Variants in PLA2G4A observed in about 807,000 individuals in gnomAD.
PLA2G4A encodes cytosolic phospholipase A2.
PLA2G4A carries 40 observed loss-of-function variants against 81.9 expected under a neutral mutation model. That is an observed-to-expected ratio of 0.49 (90% CI 0.38 to 0.64). PLA2G4A has a LOEUF of 0.64. Ranked by LOEUF, PLA2G4A falls within the 30% of genes least tolerant of loss-of-function variation. The probability of loss-of-function intolerance (pLI) is 0.00; values close to 1 mark genes in which losing one functional copy is unlikely to be tolerated. For missense variants in PLA2G4A, 715 were observed against 905.1 expected (o/e 0.79, Z 2.69); for synonymous variants, 302 against 296.9 (o/e 1.02, Z -0.18).
intron 1 of PLA2G4A, among the ~76,000 whole-genome samples, chr1:186,837,748 A>AAG (rs1651837118): frequency 6.7e-6 from 1 of 148,178 alleles, no homozygotes; most frequent in Non-Finnish European, 1.5e-5. Flanking sequence ...AAAAAAAAAA[A>AAG]AAAAGAAAAA....
intron 5 of PLA2G4A, among the ~76,000 whole-genome samples, chr1:186,900,065 T>C (rs999850505): frequency 6.6e-6 from 1 of 152,198 alleles, no homozygotes; most frequent in Non-Finnish European, 1.5e-5. Context: ...TGATAAAATC[T>C]GGGTTAAACT....
intron 4 of PLA2G4A, 67 bp downstream of exon 4, chr1:186,893,226 C>T (rs948252541): frequency 7.6e-7 from 1 of 1,308,370 alleles, no homozygotes; most frequent in Admixed American, 1.7e-5. Flanking sequence ...TTGAGTTTGT[C>T]CTTTTACTGC....
At chr1:186,853,906 T>G (rs897714858) in intron 1 of PLA2G4A, among the ~76,000 whole-genome samples, 1 of 151,950 alleles carries the variant, frequency 6.6e-6, no homozygotes, top group Non-Finnish European at 1.5e-5. Flanking sequence ...ATTTGTATAT[T>G]GCTGACCCTA....
At chr1:186,851,584 C>G (rs1006134874) in intron 1 of PLA2G4A, among the ~76,000 whole-genome samples, 2 of 151,950 alleles carry the variant, frequency 1.3e-5, no homozygotes, top group African/African-American at 4.8e-5. Context: ...AAAGTCATTG[C>G]TGATCACTTT....
intron 5 of PLA2G4A, among the ~76,000 whole-genome samples, chr1:186,902,676 CA>C (rs1421308771): frequency 6.6e-6 from 1 of 152,160 alleles, no homozygotes; most frequent in East Asian, 1.9e-4. Context: ...TTCTCCTGGA[CA>C]ATAAGTCTCC....
intron 5 of PLA2G4A, among the ~76,000 whole-genome samples, chr1:186,900,114 T>C (rs1654483788): frequency 6.6e-6 from 1 of 152,294 alleles, no homozygotes; most frequent in African/African-American, 2.4e-5. Flanking sequence ...ATCAGAGTTG[T>C]TGTTTGAGAG....
chr1:186,890,799 G>T (rs946732648), intron 3 of PLA2G4A, among the ~76,000 whole-genome samples: 4 of 150,434 alleles, frequency 2.7e-5, no homozygotes, highest in African/African-American at 9.8e-5. Context: ...GTTGCAGTGA[G>T]CTGAGATTGT....
At chr1:186,921,892 G>A (rs1655366271) in intron 7 of PLA2G4A, among the ~76,000 whole-genome samples, 1 of 152,026 alleles carries the variant, frequency 6.6e-6, no homozygotes, top group Admixed American at 6.6e-5. Context: ...ATTTACATAT[G>A]GGAACTCATC....
intron 3 of PLA2G4A, among the ~76,000 whole-genome samples, chr1:186,873,514 G>T (rs1267449096): frequency 6.6e-6 from 1 of 152,016 alleles, no homozygotes; most frequent in Non-Finnish European, 1.5e-5. Context: ...ATTACTATTG[G>T]AGTTTTCTGC....
chr1:186,970,663 T>G (rs1657325105), intron 15 of PLA2G4A, among the ~76,000 whole-genome samples: 1 of 152,184 alleles, frequency 6.6e-6, no homozygotes, highest in Admixed American at 6.5e-5. Context: ...TTGAAGAGAC[T>G]ATCCCTTCTC....
intron 15 of PLA2G4A, among the ~76,000 whole-genome samples, chr1:186,973,449 A>G (rs1657430413): frequency 6.6e-6 from 1 of 152,310 alleles, no homozygotes; most frequent in African/African-American, 2.4e-5. Context: ...ATTAAATTAC[A>G]TTTGCAAAGA....
In PLA2G4A at chr1:186,833,063, A is replaced by G. The variant is rs80152888; in HGVS notation, c.-70+4028A>G. ...CAGCACCAGAGACATCCTGGCCTGA[A>G]TCATGTAAAGAAGATATTGTTAGGA... On this transcript the variant is annotated intron_variant, in intron 1 of 17. Transcript: ENST00000367466. Among the ~76,000 whole-genome samples, 1,417 of 152,246 alleles carry G rather than the reference A, an allele frequency of 9.3e-3. 25 individuals are homozygous for G. The highest frequency in any genetic ancestry group is 0.033 in the African/African-American group (1,356 of 41,562).
chr1:186,893,241 T>A (rs1194796211), intron 4 of PLA2G4A, 82 bp downstream of exon 4: 15 of 1,178,516 alleles, frequency 1.3e-5, no homozygotes, highest in Middle Eastern at 1.9e-4. Flanking sequence ...TACTGCCTTT[T>A]TGTTCCTGTT....
intron 15 of PLA2G4A, among the ~76,000 whole-genome samples, chr1:186,976,863 T>C (rs1042803581): frequency 2.0e-5 from 3 of 152,218 alleles, no homozygotes; most frequent in Admixed American, 6.5e-5. Flanking sequence ...CTTGGCCACT[T>C]ACATGCCAGC....
chr1:186,830,746 C>T lies in PLA2G4A; in HGVS notation c.-70+1711C>T, dbSNP rs1334363727. Among the ~76,000 whole-genome samples the T allele has an allele frequency of 2.0e-5, 3 of 150,840 alleles. No homozygotes were observed. In the East Asian group the frequency reaches 5.8e-4, roughly 29 times the overall value. Reference sequence around the variant, plus strand: ...TGTTCATTCCATAGAGGTTATTTGGCTTATGTTTTTAACCCATTATCTTTT... The same window carrying T: ...TGTTCATTCCATAGAGGTTATTTGGTTTATGTTTTTAACCCATTATCTTTT... On this transcript the variant is annotated intron_variant, in intron 1 of 17. Coordinates refer to ENST00000367466, the MANE Select transcript of PLA2G4A (RefSeq NM_024420.3).
chr1:186,922,393 C>CA (rs1319118589), intron 7 of PLA2G4A, among the ~76,000 whole-genome samples: 3 of 152,212 alleles, frequency 2.0e-5, no homozygotes, highest in Admixed American at 6.5e-5. Context: ...GGGCAAGTTC[C>CA]AAAGACTAGT....
chr1:186,959,814 A>G (rs933556742), intron 14 of PLA2G4A, among the ~76,000 whole-genome samples: 2 of 152,188 alleles, frequency 1.3e-5, no homozygotes, highest in Non-Finnish European at 2.9e-5. Context: ...TTCCTATTTT[A>G]AAGAATACCA....
At chr1:186,835,084 G>T in intron 1 of PLA2G4A, among the ~76,000 whole-genome samples, 1 of 152,052 alleles carries the variant, frequency 6.6e-6, no homozygotes. Flanking sequence ...TTTACTGCTG[G>T]ATACAACTGT....
At chr1:186,912,485 C>A (rs749349725) in intron 7 of PLA2G4A, among the ~76,000 whole-genome samples, 10 of 151,988 alleles carry the variant, frequency 6.6e-5, no homozygotes, top group Non-Finnish European at 1.2e-4. Flanking sequence ...TACCCCTGCA[C>A]CACTGATACT....
Sources: allele counts gnomAD v4.1 joint callset (sites outside exome capture counted in the v4.1 genomes callset), GRCh38; gene constraint gnomAD v4.1.1; transcripts MANE v1.5; gene names NCBI Gene and HGNC (gene_info 2026-07-23, HGNC 2026-07-21).